Variants in SPAG16 observed in about 807,000 individuals in gnomAD.
SPAG16 encodes the protein sperm-associated antigen 16 protein.
In SPAG16, 86 loss-of-function variants were observed where a neutral mutation model predicts 80.4. The ratio of observed to expected loss-of-function variants is 1.07; its 90% CI spans 0.90 to 1.28. The LOEUF (loss-of-function observed/expected upper bound fraction) is 1.28, where lower values mean the gene tolerates loss of function less well. Ranked by LOEUF, SPAG16 falls within the 50% of genes most tolerant of loss-of-function variation. The pLI is 0.00. For missense variants in SPAG16, 870 were observed against 765.3 expected, an observed-to-expected ratio of 1.14 and a Z score of -1.61; for synonymous variants, 294 against 265.9, an observed-to-expected ratio of 1.11 and a Z score of -1.03.
chr2:213,844,384 A>G (rs1261220240), intron 10 of SPAG16, among the ~76,000 whole-genome samples: 3 of 152,226 alleles, frequency 2.0e-5, no homozygotes, highest in Non-Finnish European at 2.9e-5. Flanking sequence ...ATAGAAAGGA[A>G]GAAAAACAGT....
intron 10 of SPAG16, among the ~76,000 whole-genome samples, chr2:213,639,545 T>C (rs2062506300): frequency 6.6e-6 from 1 of 152,188 alleles, no homozygotes; most frequent in Non-Finnish European, 1.5e-5. Context: ...ATAATTGTTT[T>C]TTTAAGGAGG....
At chr2:214,168,388 A>T (rs1004666981) in intron 15 of SPAG16, among the ~76,000 whole-genome samples, 6 of 152,228 alleles carry the variant, frequency 3.9e-5, no homozygotes, top group Admixed American at 1.3e-4. Flanking sequence ...TGAAATATTC[A>T]TATAAACATG....
chr2:213,476,346 A>G (rs1034307778), intron 9 of SPAG16, among the ~76,000 whole-genome samples: 2 of 152,174 alleles, frequency 1.3e-5, no homozygotes, highest in Non-Finnish European at 2.9e-5. Context: ...TTGCCCCAGG[A>G]CCTTATTCTG....
Position 213,378,151 on chromosome 2 carries a change from T to C in SPAG16, c.942+3032T>C, listed in dbSNP as rs1245084814. Among the ~76,000 whole-genome samples the C allele has an allele frequency of 2.6e-5, 4 of 152,098 alleles. No individual in the cohort carries two copies. The East Asian group carries it at 7.7e-4, about 29-fold the overall frequency. ...TCTGGTCTTTTCACATTTTTCTGCC[T>C]GCTTTATATCCTAGCTACACTAGGA... is the stretch of plus-strand genomic sequence containing the variant. On this transcript the variant is annotated intron_variant, in intron 9 of 15. Coordinates refer to ENST00000331683, the MANE Select transcript of SPAG16 (RefSeq NM_024532.5).
chr2:213,518,717 A>G (rs1347952519), intron 10 of SPAG16, among the ~76,000 whole-genome samples: 1 of 152,234 alleles, frequency 6.6e-6, no homozygotes, highest in Non-Finnish European at 1.5e-5. Flanking sequence ...ATTTAACCCA[A>G]CAATCCTGTT....
intron 14 of SPAG16, among the ~76,000 whole-genome samples, chr2:214,138,697 C>T (rs1187864258): frequency 6.6e-6 from 1 of 152,082 alleles, no homozygotes; most frequent in African/African-American, 2.4e-5. Context: ...TAGACCTGAG[C>T]ATCAGAAGGA....
At chr2:213,466,378 A>G (rs1199809629) in intron 9 of SPAG16, among the ~76,000 whole-genome samples, 2 of 152,192 alleles carry the variant, frequency 1.3e-5, no homozygotes, top group African/African-American at 4.8e-5. Context: ...GCTTGTTTCA[A>G]TTGGTGAAAG....
intron 10 of SPAG16, among the ~76,000 whole-genome samples, chr2:213,826,540 T>G (rs1816210): frequency 0.3 from 46,121 of 151,896 alleles, 7,137 homozygotes; most frequent in Middle Eastern, 0.4. Context: ...TCCATGTGTT[T>G]GTATAGTTTC....
rs764733920 is a variant in SPAG16, at chr2:213,485,338, G to A, written c.943-4625G>A. On this transcript the variant is annotated intron_variant, in intron 9 of 15. Coordinates refer to ENST00000331683, the MANE Select transcript of SPAG16 (RefSeq NM_024532.5). ...TTCTGTTAATTCATTGCATACTAGC[G>A]AAACTTACTAATTTTATAATTTGTC... is the stretch of plus-strand genomic sequence containing the variant. 1.2e-4 allele frequency among the ~76,000 whole-genome samples: 19 copies of A among 152,034 alleles called. 1 individual carries two copies. The highest frequency in any genetic ancestry group is 2.7e-4 in the African/African-American group (11 of 41,334).
At chr2:213,441,060 GT>G (rs2070923253) in intron 9 of SPAG16, among the ~76,000 whole-genome samples, 1 of 152,150 alleles carries the variant, frequency 6.6e-6, no homozygotes. Context: ...GGCATAATTA[GT>G]TTGGAAAACT....
intron 9 of SPAG16, chr2:213,422,041 G>A (rs2069626075): frequency 3.4e-6 from 2 of 585,188 alleles, no homozygotes; most frequent in East Asian, 5.6e-5. Context: ...CATTCTTCCT[G>A]GATGTGGAAT....
intron 10 of SPAG16, among the ~76,000 whole-genome samples, chr2:213,841,673 G>T (rs1212209794): frequency 6.6e-6 from 1 of 152,012 alleles, no homozygotes; most frequent in East Asian, 1.9e-4. Context: ...GATAATTAAG[G>T]ACATATTTGT....
At chr2:213,953,670 T>A (rs2043970902) in intron 12 of SPAG16, among the ~76,000 whole-genome samples, 2 of 151,914 alleles carry the variant, frequency 1.3e-5, no homozygotes, top group Non-Finnish European at 2.9e-5. Context: ...TTCATAAAGT[T>A]TACCAGATTT....
At chr2:214,259,357 A>G (rs970620136) in intron 15 of SPAG16, among the ~76,000 whole-genome samples, 3 of 150,518 alleles carry the variant, frequency 2.0e-5, no homozygotes, top group African/African-American at 7.3e-5. Context: ...AAAAATACAT[A>G]TATATAATAT....
intron 15 of SPAG16, among the ~76,000 whole-genome samples, chr2:214,373,169 T>A: frequency 6.6e-6 from 1 of 152,078 alleles, no homozygotes; most frequent in South Asian, 2.1e-4. Context: ...CAGAAAAAAA[T>A]TGCTTTCAGA....
intron 15 of SPAG16, among the ~76,000 whole-genome samples, chr2:214,184,090 C>G (rs2057393770): frequency 6.6e-6 from 1 of 151,956 alleles, no homozygotes; most frequent in South Asian, 2.1e-4. Flanking sequence ...GTTGGCAAAC[C>G]AGAGCCAGTT....
Position 214,410,147 on chromosome 2 carries a change from T to A in SPAG16, c.1728T>A (p.Val576=), listed in dbSNP as rs1206686631. 8 of 1,613,792 alleles carry A rather than the reference T, an allele frequency of 5.0e-6. No individual in the cohort carries two copies. Among genetic ancestry groups the A allele is most frequent in the Non-Finnish European group, 6.8e-6 (8 of 1,179,774 alleles). Residue 576 remains valine, a synonymous_variant, in exon 16 of 16, where the codon GTT becomes GTA. Coordinates refer to ENST00000331683, the MANE Select transcript of SPAG16 (RefSeq NM_024532.5). The stretch of plus-strand genomic sequence containing the variant: ...CCTCTCTGTCTCCCTCAGGTCGAGT[T>A]TTAGCTCAGGCAAGTGGCAATGGTG... The part of the protein sequence containing the change: ...NEVNFDSSGR[V]LAQASGNGVI...
At chr2:213,323,743 T>G (rs556714005) in intron 5 of SPAG16, among the ~76,000 whole-genome samples, 1 of 152,184 alleles carries the variant, frequency 6.6e-6, no homozygotes, top group East Asian at 1.9e-4. Context: ...CATTGACAGA[T>G]GAATGGGTAA....
chr2:213,646,868 A>C (rs2125132831), intron 10 of SPAG16, among the ~76,000 whole-genome samples: 1 of 152,346 alleles, frequency 6.6e-6, no homozygotes, highest in Non-Finnish European at 1.5e-5. Flanking sequence ...ACATTAGTCA[A>C]GTGGCTGAAT....
Sources: gnomAD v4.1 joint callset for allele counts (sites outside exome capture counted in the v4.1 genomes callset) on GRCh38, gnomAD v4.1.1 for gene constraint, MANE v1.5 for transcripts, NCBI Gene and HGNC (gene_info 2026-07-23, HGNC 2026-07-21) for gene names.